The following INVS variants were observed in gnomAD, a reference collection of about 807,000 sequenced individuals.
The protein encoded by INVS is inversin, also known as inversion of embryo turning homolog.
A neutral mutation model predicts 108.8 loss-of-function variants in INVS; 86 were observed. The observed-to-expected ratio is 0.79, with a 90% CI of 0.66 to 0.95. INVS has a LOEUF of 0.95. Ranked by LOEUF, INVS falls within the 40% of genes least tolerant of loss-of-function variation. The pLI, the probability that INVS is intolerant of heterozygous loss-of-function variation, is 0.00. For synonymous variants in INVS, 455 were observed against 473.5 expected, an observed-to-expected ratio of 0.96 and a Z score of 0.51; for missense variants, 1,169 against 1,297.4, an observed-to-expected ratio of 0.90 and a Z score of 1.52.
chr9:100,248,372 T>G (rs1832113304), intron 8 of INVS, among the ~76,000 whole-genome samples: 1 of 152,170 alleles, frequency 6.6e-6, no homozygotes, highest in African/African-American at 2.4e-5. Context: ...TTCATTAATT[T>G]GCTGGTTTCT....
chr9:100,123,712 G>A (rs1827795019), intron 2 of INVS, among the ~76,000 whole-genome samples: 2 of 152,176 alleles, frequency 1.3e-5, no homozygotes, highest in Admixed American at 1.3e-4. Context: ...TACCATTTTA[G>A]ATTCCCACCA....
intron 10 of INVS, among the ~76,000 whole-genome samples, chr9:100,264,345 T>C (rs1443602790): frequency 6.6e-6 from 1 of 152,154 alleles, no homozygotes; most frequent in Non-Finnish European, 1.5e-5. Context: ...TGGCCAGGCA[T>C]GTTGGCTCAC....
chr9:100,291,016 A>C (rs560796534), intron 13 of INVS, among the ~76,000 whole-genome samples: 10 of 151,700 alleles, frequency 6.6e-5, no homozygotes, highest in Non-Finnish European at 1.0e-4. Flanking sequence ...GTTATTTTAA[A>C]GTCTGTTTCT....
chr9:100,186,725 T>C (rs1261029484), intron 3 of INVS, among the ~76,000 whole-genome samples: 1 of 152,176 alleles, frequency 6.6e-6, no homozygotes, highest in Non-Finnish European at 1.5e-5. Flanking sequence ...GGTTTTTTCC[T>C]TGCTGATTTG....
At chr9:100,289,861 A>G (rs1833559395) in intron 13 of INVS, among the ~76,000 whole-genome samples, 1 of 152,236 alleles carries the variant, frequency 6.6e-6, no homozygotes, top group African/African-American at 2.4e-5. Flanking sequence ...ATAAGTTTTC[A>G]ACTTATTTGA....
At chr9:100,292,299 A>G (rs1420689885) in intron 13 of INVS, 27 bp from the exon 14 acceptor site, 1 of 1,592,916 alleles carries the variant, frequency 6.3e-7, no homozygotes, top group African/African-American at 1.3e-5. Flanking sequence ...CAAGTTTTGG[A>G]CAATATTTTT....
At chr9:100,260,186 CTTTTTT>C (rs372496395) in intron 10 of INVS, among the ~76,000 whole-genome samples, 3 of 101,496 alleles carry the variant, frequency 3.0e-5, no homozygotes, top group Non-Finnish European at 5.9e-5. Context: ...ATTTTCTTTT[CTTTTTT>C]TTTTTTTTTT....
chr9:100,176,007 T>C (rs1375497981), intron 3 of INVS: 2 of 542,714 alleles, frequency 3.7e-6, no homozygotes, highest in South Asian at 1.4e-5. Flanking sequence ...CCACAAACCA[T>C]AGATTTATTC....
intron 2 of INVS, chr9:100,117,435 C>T: frequency 8.8e-6 from 7 of 793,392 alleles, no homozygotes; most frequent in South Asian, 4.1e-5. Context: ...ACCAAGCGGC[C>T]CAGCTTGGTG....
At chr9:100,197,944 T>A (rs977675255) in intron 3 of INVS, among the ~76,000 whole-genome samples, 3 of 152,172 alleles carry the variant, frequency 2.0e-5, no homozygotes, top group Non-Finnish European at 4.4e-5. Flanking sequence ...AGAGAGAGAT[T>A]GTTTTCTGAG....
chr9:100,244,146 A>G (rs1831969328), intron 7 of INVS, among the ~76,000 whole-genome samples: 2 of 152,356 alleles, frequency 1.3e-5, no homozygotes, highest in Middle Eastern at 3.4e-3. Flanking sequence ...TCTGGTATCC[A>G]GAACAACTAT....
intron 2 of INVS, among the ~76,000 whole-genome samples, chr9:100,123,243 G>T (rs982836855): frequency 2.6e-5 from 4 of 151,892 alleles, no homozygotes; most frequent in African/African-American, 9.7e-5. Flanking sequence ...TCACCCTTTG[G>T]CTGTTACTCT....
chr9:100,284,632 C>A, intron 13 of INVS, 29 bp downstream of exon 13: 1 of 1,607,264 alleles, frequency 6.2e-7, no homozygotes, highest in African/African-American at 1.3e-5. Context: ...TCATCTTCTG[C>A]CGGCCCATGG....
intron 3 of INVS, among the ~76,000 whole-genome samples, chr9:100,143,604 G>A (rs954572101): frequency 3.9e-5 from 6 of 152,106 alleles, no homozygotes; most frequent in Non-Finnish European, 7.4e-5. Context: ...AGGCAGCGAT[G>A]AGGTGTGGCT....
At chr9:100,251,507 A>G (rs1008772588) in intron 8 of INVS, among the ~76,000 whole-genome samples, 5 of 152,260 alleles carry the variant, frequency 3.3e-5, no homozygotes, top group Non-Finnish European at 7.3e-5. Context: ...TGGACAGCAC[A>G]AGAGAGGAGG....
chr9:100,181,481 A>C (rs915525997), intron 3 of INVS, among the ~76,000 whole-genome samples: 1 of 152,184 alleles, frequency 6.6e-6, no homozygotes, highest in Non-Finnish European at 1.5e-5. Context: ...AATAATAGAC[A>C]AACAGCTAAA....
intron 3 of INVS, chr9:100,129,902 C>T (rs950429504): frequency 2.9e-5 from 13 of 454,008 alleles, no homozygotes; most frequent in Non-Finnish European, 4.5e-5. Context: ...AGTCAAAATC[C>T]TGGAGAGGAG....
intron 3 of INVS, among the ~76,000 whole-genome samples, chr9:100,222,635 A>G (rs1380700471): frequency 1.3e-5 from 2 of 152,102 alleles, no homozygotes; most frequent in Non-Finnish European, 2.9e-5. Context: ...ACCCCCACCA[A>G]CATATACTAG....
At chr9:100,116,623 A>C in intron 2 of INVS, 1 of 317,376 alleles carries the variant, frequency 3.2e-6, no homozygotes, top group Non-Finnish European at 5.6e-6. Flanking sequence ...TATCTAAGAA[A>C]TCTCTGCCTA....
Sources: gnomAD v4.1 joint callset for allele counts (sites outside exome capture counted in the v4.1 genomes callset) on GRCh38, gnomAD v4.1.1 for gene constraint, MANE v1.5 for transcripts, NCBI Gene and HGNC (gene_info 2026-07-23, HGNC 2026-07-21) for gene names.